Variants in ZNF385B observed in about 807,000 individuals in gnomAD.
ZNF385B encodes the protein zinc finger protein 385B.
A neutral mutation model predicts 39.2 loss-of-function variants in ZNF385B; 23 were observed. That is an observed-to-expected ratio of 0.59 (90% CI 0.42 to 0.83). The LOEUF (loss-of-function observed/expected upper bound fraction) is 0.83. ZNF385B is among the 40% of genes least tolerant of loss of function. ZNF385B has a pLI of 0.00. For missense variants in ZNF385B, 552 were observed against 598.9 expected, an observed-to-expected ratio of 0.92 and a Z score of 0.82; for synonymous variants, 205 against 222.6, an observed-to-expected ratio of 0.92 and a Z score of 0.70.
chr2:179,822,374 A>G (rs1707449526), intron 1 of ZNF385B, among the ~76,000 whole-genome samples: 1 of 152,268 alleles, frequency 6.6e-6, no homozygotes, highest in African/African-American at 2.4e-5. Flanking sequence ...TTATTTTGCT[A>G]AAGTACTTTA....
chr2:179,714,447 T>C (rs1700192165), intron 3 of ZNF385B, among the ~76,000 whole-genome samples: 1 of 152,144 alleles, frequency 6.6e-6, no homozygotes, highest in South Asian at 2.1e-4. Flanking sequence ...TTTTCAACCA[T>C]GCAATGCCTC....
intron 3 of ZNF385B, among the ~76,000 whole-genome samples, chr2:179,609,850 T>C (rs1689142319): frequency 6.6e-6 from 1 of 152,254 alleles, no homozygotes. Flanking sequence ...CATATACTTG[T>C]GTGCCATTTG....
intron 3 of ZNF385B, among the ~76,000 whole-genome samples, chr2:179,763,184 G>A (rs1460578700): frequency 1.3e-5 from 2 of 152,178 alleles, no homozygotes; most frequent in Non-Finnish European, 2.9e-5. Flanking sequence ...GATTACAGGG[G>A]TGAGCTGCCA....
intron 1 of ZNF385B, among the ~76,000 whole-genome samples, chr2:179,774,068 G>A (rs1338207796): frequency 2.6e-5 from 4 of 151,856 alleles, no homozygotes; most frequent in Non-Finnish European, 4.4e-5. Flanking sequence ...CGTGTGGGGT[G>A]TGTGTGGTAT....
At chr2:179,563,945 G>A (rs540709995) in intron 3 of ZNF385B, among the ~76,000 whole-genome samples, 4 of 152,212 alleles carry the variant, frequency 2.6e-5, no homozygotes, top group Admixed American at 2.0e-4. Context: ...CTGATTCTTG[G>A]AGTATTTTTT....
chr2:179,853,347 T>A (rs1222638709), intron 1 of ZNF385B, among the ~76,000 whole-genome samples: 1 of 152,206 alleles, frequency 6.6e-6, no homozygotes, highest in Non-Finnish European at 1.5e-5. Flanking sequence ...GGTTTATACA[T>A]GTGTATCAAG....
At chr2:179,852,650 G>T (rs1684276051) in intron 1 of ZNF385B, among the ~76,000 whole-genome samples, 1 of 152,124 alleles carries the variant, frequency 6.6e-6, no homozygotes, top group Non-Finnish European at 1.5e-5. Context: ...AGCACAGACT[G>T]GTTCTCCAGA....
chr2:179,799,742 C>T (rs1705909311), intron 1 of ZNF385B, among the ~76,000 whole-genome samples: 2 of 151,990 alleles, frequency 1.3e-5, no homozygotes, highest in Admixed American at 6.6e-5. Flanking sequence ...AATATATAGA[C>T]CCCAAAGCAT....
At chr2:179,746,085 C>A in intron 3 of ZNF385B, 1 of 1,002,754 alleles carries the variant, frequency 1.0e-6, no homozygotes, top group African/African-American at 1.7e-5. Flanking sequence ...GAGAAACAGG[C>A]AACCTAAGCC....
intron 1 of ZNF385B, among the ~76,000 whole-genome samples, chr2:179,822,895 T>TA (rs1208393172): frequency 1.4e-4 from 21 of 152,172 alleles, no homozygotes; most frequent in Non-Finnish European, 3.1e-4. Flanking sequence ...AAATTTTCTG[T>TA]AAAAACAGCT....
Position 179,807,731 on chromosome 2 carries a change from T to C in ZNF385B, c.-154-37059A>G, listed in dbSNP as rs553698729. Among the ~76,000 whole-genome samples the C allele has an allele frequency of 1.5e-4, 23 of 151,856 alleles. 1 individual carries two copies. The South Asian group carries it at 4.8e-3, about 32-fold the overall frequency. On this transcript the variant is annotated intron_variant, in intron 1 of 9. Transcript: ENST00000410066. ...TAACACGGTGAAACCCCGTCTCTAC[T>C]AAAAATACAAAAAATTAGCTGGGCG...
chr2:179,491,429 T>G (rs2055216786), intron 5 of ZNF385B, among the ~76,000 whole-genome samples: 1 of 152,170 alleles, frequency 6.6e-6, no homozygotes, highest in African/African-American at 2.4e-5. Context: ...AAGCATGCCT[T>G]TAGCCACTCT....
At chr2:179,468,962 T>C (rs2052428010) in intron 6 of ZNF385B, among the ~76,000 whole-genome samples, 1 of 152,214 alleles carries the variant, frequency 6.6e-6, no homozygotes, top group African/African-American at 2.4e-5. Flanking sequence ...AATATATTTC[T>C]AAAAGCCAAT....
At chr2:179,758,189 G>A (rs1051871068) in intron 3 of ZNF385B, among the ~76,000 whole-genome samples, 3 of 152,128 alleles carry the variant, frequency 2.0e-5, no homozygotes, top group Non-Finnish European at 4.4e-5. Context: ...ATTTGAGCTG[G>A]CATTGTGTCT....
chr2:179,594,908 G>A (rs1246912727), intron 3 of ZNF385B, among the ~76,000 whole-genome samples: 3 of 151,410 alleles, frequency 2.0e-5, no homozygotes, highest in Non-Finnish European at 4.4e-5. Flanking sequence ...CTGGACTTAA[G>A]CAATCCCTCC....
chr2:179,745,624 G>A lies in ZNF385B; in HGVS notation c.298+23879C>T, dbSNP rs1533384. 7.1e-6 allele frequency: 8 copies of A among 1,133,370 alleles called. No homozygotes were observed. In the Middle Eastern group the frequency reaches 8.3e-4, roughly 117 times the overall value. The allele number at this position is 1,133,370 out of a possible 1,614,324, so 70.2% of individuals were successfully genotyped here. On this transcript the variant is annotated intron_variant, in intron 3 of 9. Transcript: ENST00000410066. ...GCACAATGTGATAAACACAATTGAG[G>A]ACTCCACAGGATTCAGCATAACATA...
chr2:179,666,667 T>C (rs182987034), intron 3 of ZNF385B, among the ~76,000 whole-genome samples: 23 of 152,276 alleles, frequency 1.5e-4, no homozygotes, highest in Admixed American at 2.0e-4. Context: ...CAAATAATCA[T>C]AAGAATATTT....
chr2:179,621,809 C>T (rs973894874), intron 3 of ZNF385B, among the ~76,000 whole-genome samples: 4 of 152,156 alleles, frequency 2.6e-5, no homozygotes, highest in Non-Finnish European at 5.9e-5. Context: ...ACCTGAAAAT[C>T]CAATAATTAC....
intron 1 of ZNF385B, among the ~76,000 whole-genome samples, chr2:179,844,170 G>T (rs74621070): frequency 6.6e-6 from 1 of 152,158 alleles, no homozygotes; most frequent in Non-Finnish European, 1.5e-5. Flanking sequence ...AACGGACATC[G>T]ATTGAAACCG....
Sources: gnomAD v4.1 joint callset for allele counts (sites outside exome capture counted in the v4.1 genomes callset) on GRCh38, gnomAD v4.1.1 for gene constraint, MANE v1.5 for transcripts, NCBI Gene and HGNC (gene_info 2026-07-23, HGNC 2026-07-21) for gene names.